CFAP299: variants seen among roughly 807,000 people sequenced by gnomAD.
CFAP299 encodes cilia- and flagella-associated protein 299.
A neutral mutation model predicts 27.0 loss-of-function variants in CFAP299; 21 were observed. That is an observed-to-expected ratio of 0.78 (90% CI 0.55 to 1.12). The LOEUF (loss-of-function observed/expected upper bound fraction) is 1.12. Among genes scored for constraint, CFAP299 ranks in the 50% most tolerant of loss-of-function variants. The probability of loss-of-function intolerance (pLI) is 0.00; values close to 1 mark genes in which losing one functional copy is unlikely to be tolerated. For missense variants in CFAP299, 310 were observed against 276.6 expected, an observed-to-expected ratio of 1.12 and a Z score of -0.86; for synonymous variants, 104 against 98.1, an observed-to-expected ratio of 1.06 and a Z score of -0.36.
chr4:80,419,796 A>G (rs1317289465), intron 2 of CFAP299, among the ~76,000 whole-genome samples: 1 of 152,104 alleles, frequency 6.6e-6, no homozygotes, highest in Non-Finnish European at 1.5e-5. Context: ...TTTCTATATG[A>G]TGTACTAACT....
intron 2 of CFAP299, among the ~76,000 whole-genome samples, chr4:80,437,143 A>T (rs980653583): frequency 6.6e-6 from 1 of 152,176 alleles, no homozygotes. Flanking sequence ...CATAAATATT[A>T]TACAACTAAA....
intron 4 of CFAP299, among the ~76,000 whole-genome samples, chr4:80,937,442 G>T (rs1318912063): frequency 6.8e-6 from 1 of 147,818 alleles, no homozygotes; most frequent in East Asian, 2.0e-4. Context: ...TTAACCTCCT[G>T]AGTTTCTGGG....
chr4:80,351,472 A>G (rs1459664940), intron 1 of CFAP299, among the ~76,000 whole-genome samples: 3 of 152,122 alleles, frequency 2.0e-5, no homozygotes, highest in Non-Finnish European at 1.5e-5. Flanking sequence ...CTGAAAAATA[A>G]AGTAGACATA....
At chr4:80,623,731 A>G (rs959159209) in intron 3 of CFAP299, among the ~76,000 whole-genome samples, 1 of 152,184 alleles carries the variant, frequency 6.6e-6, no homozygotes, top group African/African-American at 2.4e-5. Flanking sequence ...TTGGACCCCA[A>G]TACTGACACC....
At chr4:80,489,750 C>G (rs1409804733) in intron 2 of CFAP299, among the ~76,000 whole-genome samples, 1 of 152,146 alleles carries the variant, frequency 6.6e-6, no homozygotes, top group Non-Finnish European at 1.5e-5. Flanking sequence ...CTTAAACTTA[C>G]CAGTCTACTT....
intron 3 of CFAP299, among the ~76,000 whole-genome samples, chr4:80,666,501 AAAAAG>A (rs2109987600): frequency 1.3e-5 from 2 of 152,286 alleles, no homozygotes; most frequent in Admixed American, 1.3e-4. Flanking sequence ...CCACTATTTG[AAAAAG>A]AAAAGAGTCA....
intron 2 of CFAP299, among the ~76,000 whole-genome samples, chr4:80,518,161 A>C (rs1732678410): frequency 6.6e-6 from 1 of 152,162 alleles, no homozygotes; most frequent in Non-Finnish European, 1.5e-5. Flanking sequence ...AAGATTATTC[A>C]TATGGACTTT....
At chr4:80,488,179 A>G (rs1221193707) in intron 2 of CFAP299, among the ~76,000 whole-genome samples, 1 of 152,208 alleles carries the variant, frequency 6.6e-6, no homozygotes, top group Non-Finnish European at 1.5e-5. Flanking sequence ...AAGCTTTCAT[A>G]TGTTTTAAGT....
At chr4:80,866,333 G>C (rs1043340145) in intron 3 of CFAP299, among the ~76,000 whole-genome samples, 1 of 151,714 alleles carries the variant, frequency 6.6e-6, no homozygotes, top group Non-Finnish European at 1.5e-5. Flanking sequence ...ATAAACAACA[G>C]TATTTGCATG....
intron 3 of CFAP299, among the ~76,000 whole-genome samples, chr4:80,804,029 A>G (rs1728743241): frequency 6.6e-6 from 1 of 152,094 alleles, no homozygotes; most frequent in South Asian, 2.1e-4. Context: ...CTTTGTGTAA[A>G]GCCTCTTTTA....
At chr4:80,790,484 G>A (rs1727494130) in intron 3 of CFAP299, 1 of 151,920 alleles carries the variant, frequency 6.6e-6, no homozygotes, top group Non-Finnish European at 1.5e-5. Flanking sequence ...AGGAGGTGAG[G>A]GCCTTTGAAG....
chr4:80,889,848 A>G (rs1215677389), intron 4 of CFAP299, among the ~76,000 whole-genome samples: 1 of 152,150 alleles, frequency 6.6e-6, no homozygotes, highest in Non-Finnish European at 1.5e-5. Context: ...GTAATACCTC[A>G]TATCAACAGA....
chr4:80,730,725 T>C (rs555168364), intron 3 of CFAP299, among the ~76,000 whole-genome samples: 1 of 152,128 alleles, frequency 6.6e-6, no homozygotes, highest in Non-Finnish European at 1.5e-5. Context: ...AGATAATAGA[T>C]GTTTGCTATT....
intron 3 of CFAP299, among the ~76,000 whole-genome samples, chr4:80,652,228 G>A (rs1374281935): frequency 6.6e-6 from 1 of 152,096 alleles, no homozygotes; most frequent in African/African-American, 2.4e-5. Flanking sequence ...ATCAAGTAGA[G>A]TCTCTGCATG....
At chr4:80,774,464 G>A (rs1726409176) in intron 3 of CFAP299, among the ~76,000 whole-genome samples, 1 of 151,776 alleles carries the variant, frequency 6.6e-6, no homozygotes, top group African/African-American at 2.4e-5. Flanking sequence ...GCATATTTAT[G>A]TATATATAGT....
At chr4:80,555,579 A>C (rs1290521345) in intron 2 of CFAP299, among the ~76,000 whole-genome samples, 1 of 152,018 alleles carries the variant, frequency 6.6e-6, no homozygotes, top group Non-Finnish European at 1.5e-5. Flanking sequence ...ATAATACCAG[A>C]ACTTATTTAT....
chr4:80,365,850 T>C (rs1403816621), intron 2 of CFAP299, among the ~76,000 whole-genome samples: 1 of 152,230 alleles, frequency 6.6e-6, no homozygotes, highest in Non-Finnish European at 1.5e-5. Context: ...CACATGTCCA[T>C]TTTGTGTTTG....
chr4:80,620,472 C>T (rs958023828), intron 3 of CFAP299, among the ~76,000 whole-genome samples: 1 of 152,092 alleles, frequency 6.6e-6, no homozygotes, highest in East Asian at 1.9e-4. Flanking sequence ...GTTCATATAA[C>T]AGTTTTGAAA....
the CFAP299 span, among the ~76,000 whole-genome samples, chr4:80,327,876 C>T: frequency 1.3e-5 from 2 of 150,686 alleles, no homozygotes; most frequent in East Asian, 1.9e-4. Context: ...GAAGTTTAGC[C>T]AAGGTGGTGG....
Sources: gnomAD v4.1 joint callset for allele counts (sites outside exome capture counted in the v4.1 genomes callset) on GRCh38, gnomAD v4.1.1 for gene constraint, MANE v1.5 for transcripts, NCBI Gene and HGNC (gene_info 2026-07-23, HGNC 2026-07-21) for gene names.